The following FBXL18 variants were observed in gnomAD, a reference collection of about 807,000 sequenced individuals.
FBXL18 encodes F-box/LRR-repeat protein 18.
FBXL18 carries 36 observed loss-of-function variants against 46.0 expected under a neutral mutation model. The ratio of observed to expected loss-of-function variants is 0.78; its 90% CI spans 0.60 to 1.03. The LOEUF is 1.03. FBXL18 is among the 50% of genes least tolerant of loss of function. The pLI, the probability that FBXL18 is intolerant of heterozygous loss-of-function variation, is 0.00. For synonymous variants in FBXL18, 557 were observed against 465.3 expected, an observed-to-expected ratio of 1.20 and a Z score of -2.54; for missense variants, 977 against 1,004.1, an observed-to-expected ratio of 0.97 and a Z score of 0.36.
Position 5,455,763 on chromosome 7 carries a change from A to AACACAC in FBXL18, c.2001-7926_2001-7921dup, listed in dbSNP as rs36071919. Among the ~76,000 whole-genome samples the AACACAC allele has an allele frequency of 5.6e-5, 8 of 142,626 alleles. No individual in the cohort carries two copies. Among genetic ancestry groups the AACACAC allele is most frequent in the African/African-American group, 1.8e-4 (7 of 38,332 alleles). The allele number at this position is 142,626 out of a possible 152,430, so 93.6% of individuals were successfully genotyped here. A position where few individuals can be genotyped will look rare whatever the true frequency, so the allele number is the denominator to read the frequency against. ...CCCCCACCCCCACTACACACACACA[A>AACACAC]ACACACACACACACACACACACACC... On this transcript the variant is annotated intron_variant and NMD_transcript_variant, in intron 4 of 6. Transcript: ENST00000415009. The surrounding 1 kb of genome is among the most constrained non-coding windows in gnomAD (Gnocchi z 4.6).
Position 5,501,042 on chromosome 7 carries a change from C to A in FBXL18, c.1227G>T (p.Leu409=). The change falls in exon 3 of 5, where the codon CTG becomes CTT. Residue 409 remains leucine (L), a synonymous_variant. Coordinates refer to ENST00000382368, the MANE Select transcript of FBXL18 (RefSeq NM_024963.6). Reference sequence around the variant, plus strand: ...GGGAGCGCAGGTGACGCAGCCGGGCCAGGAGCTGGCAGAGGTGGCGGCCCA... The same window carrying A: ...GGGAGCGCAGGTGACGCAGCCGGGCAAGGAGCTGGCAGAGGTGGCGGCCCA... ...EGLGRHLCQL[L]ARLRHLRSLS... The A allele has an allele frequency of 1.2e-6, 2 of 1,607,168 alleles. No homozygotes were observed. Among genetic ancestry groups the A allele is most frequent in the Non-Finnish European group, 1.7e-6 (2 of 1,178,314 alleles).
chr7:5,509,431 C>T lies in FBXL18; in HGVS notation c.19-3801G>A, dbSNP rs113177921. Among the ~76,000 whole-genome samples, 665 of 152,148 alleles carry T rather than the reference C, an allele frequency of 4.4e-3. 3 individuals carry two copies. The highest frequency in any genetic ancestry group is 0.011 in the South Asian group (52 of 4,818). On this transcript the variant is annotated intron_variant, in intron 1 of 4. Transcript: ENST00000382368. ...AATTTTGGACAGGCGCGGTGGCTCA[C>T]GCCCGTAATCCCCAGCACTTTGGGA... is the stretch of plus-strand genomic sequence containing the variant.
chr7:5,493,938 G>A (rs1784003296), intron 3 of FBXL18, among the ~76,000 whole-genome samples: 2 of 151,956 alleles, frequency 1.3e-5, no homozygotes, highest in South Asian at 4.1e-4. Flanking sequence ...GTTCGACACT[G>A]GCCAACATGG....
At chr7:5,489,509 G>A (rs560342656) in intron 4 of FBXL18, 75 of 341,558 alleles carry the variant, frequency 2.2e-4, no homozygotes, top group Middle Eastern at 1.1e-3. Context: ...GGTGGCTCAC[G>A]CCTGTAATCC....
At chr7:5,490,292 T>A in intron 4 of FBXL18, 2 of 1,221,506 alleles carry the variant, frequency 1.6e-6, no homozygotes, top group Non-Finnish European at 2.1e-6. Flanking sequence ...GGAGCCCTGA[T>A]CACTCCAGCA....
At position 5,501,526 on chromosome 7, in the gene FBXL18, C is replaced by T. The variant is rs867800482; in HGVS notation, c.743G>A (p.Arg248Gln). 1.9e-6 allele frequency: 3 copies of T among 1,613,714 alleles called. No homozygotes were observed. The highest frequency in any genetic ancestry group is 2.2e-5 in the East Asian group (1 of 44,890). ...GTCGCTAAGCACAGCCAGGTAGAGC[C>T]GCACCACCTCCTGGTTGATGTAGCC... ...APGYINQEVV[R>Q]LYLAVLSDRT... is the part of the protein sequence containing the mutation. The change falls in exon 3 of 5, where the codon CGG becomes CAG. Residue 248 changes from arginine to glutamine, a missense_variant. Transcript: ENST00000382368.
At chr7:5,511,744 G>T (rs1784539305) in intron 1 of FBXL18, among the ~76,000 whole-genome samples, 1 of 150,962 alleles carries the variant, frequency 6.6e-6, no homozygotes, top group South Asian at 2.1e-4. Flanking sequence ...CTCCAACCTG[G>T]GCGACAGAGC....
At chr7:5,509,655 T>C (rs578132784) in intron 1 of FBXL18, among the ~76,000 whole-genome samples, 282 of 145,410 alleles carry the variant, frequency 1.9e-3, no homozygotes, top group African/African-American at 7.0e-3. Context: ...TGAGCTCAGA[T>C]TGTGCCACTG....
At chr7:5,504,191 A>C (rs1054593648) in intron 2 of FBXL18, among the ~76,000 whole-genome samples, 4 of 151,820 alleles carry the variant, frequency 2.6e-5, no homozygotes, top group African/African-American at 9.7e-5. Flanking sequence ...GCACTTTGTG[A>C]GGCCGAGTTG....
At chr7:5,484,537 G>A (rs1203020163) in intron 4 of FBXL18, among the ~76,000 whole-genome samples, 1 of 150,934 alleles carries the variant, frequency 6.6e-6, no homozygotes, top group African/African-American at 2.4e-5. Flanking sequence ...TTTCGAGACA[G>A]GGTCTTGCTC....
chr7:5,491,561 G>C, intron 3 of FBXL18, 112 bp from the exon 4 acceptor site: 1 of 875,696 alleles, frequency 1.1e-6, no homozygotes. Flanking sequence ...GCCCAGCCCA[G>C]CTGTTCCCGC....
At chr7:5,483,467 G>A (rs1011416794) in intron 4 of FBXL18, among the ~76,000 whole-genome samples, 2 of 146,718 alleles carry the variant, frequency 1.4e-5, no homozygotes, top group Non-Finnish European at 3.0e-5. Context: ...AATCGAGGCT[G>A]AGCGCAGTGG....
At chr7:5,490,306 A>G in intron 4 of FBXL18, 2 of 1,166,116 alleles carry the variant, frequency 1.7e-6, no homozygotes, top group Non-Finnish European at 2.2e-6. Flanking sequence ...TCCAGCAGTC[A>G]GCCCGTCCTC....
chr7:5,470,941 C>T (rs545404194), downstream of FBXL18, among the ~76,000 whole-genome samples: 1 of 152,298 alleles, frequency 6.6e-6, no homozygotes, highest in South Asian at 2.1e-4. Flanking sequence ...CCAATGGTAT[C>T]TGAGTAGGGA....
chr7:5,498,338 G>A (rs189910329), intron 3 of FBXL18, among the ~76,000 whole-genome samples: 13 of 152,216 alleles, frequency 8.5e-5, no homozygotes, highest in East Asian at 7.7e-4. Context: ...CACCCGCCTC[G>A]GCCTCCCAAA....
chr7:5,496,465 C>T lies in FBXL18; in HGVS notation c.1781+4023G>A, dbSNP rs1221688392. Among the ~76,000 whole-genome samples the T allele has an allele frequency of 7.0e-6, 1 of 142,078 alleles. No individual in the cohort carries two copies. Among genetic ancestry groups the T allele is most frequent in the East Asian group, 2.3e-4 (1 of 4,416 alleles). The allele number at this position is 142,078 out of a possible 152,430, so 93.2% of individuals were successfully genotyped here. ...TGCCCCAGCCCAATCCGTGGGCTCA[C>T]CTGGATCCATAGGTGGCTAAAGGCC... is the stretch of plus-strand genomic sequence containing the variant. On this transcript the variant is annotated intron_variant, in intron 3 of 4. Coordinates refer to ENST00000382368, the MANE Select transcript of FBXL18 (RefSeq NM_024963.6). The surrounding 1 kb of genome is among the most constrained non-coding windows in gnomAD (Gnocchi z 4.8).
At chr7:5,462,038 G>C (rs748162295) in intron 4 of FBXL18, among the ~76,000 whole-genome samples, 1 of 152,102 alleles carries the variant, frequency 6.6e-6, no homozygotes, top group African/African-American at 2.4e-5. Flanking sequence ...GGTCGAGTTC[G>C]AGACTAGCCT....
chr7:5,459,506 C>T (rs945655740), intron 4 of FBXL18, among the ~76,000 whole-genome samples: 6 of 151,712 alleles, frequency 4.0e-5, no homozygotes, highest in Admixed American at 2.0e-4. Flanking sequence ...ACTGGGCGGC[C>T]GAGGCAGGTG....
chr7:5,461,325 G>A (rs564251970), intron 4 of FBXL18, among the ~76,000 whole-genome samples: 1 of 152,360 alleles, frequency 6.6e-6, no homozygotes, highest in East Asian at 1.9e-4. Flanking sequence ...CCAGCGCTTT[G>A]GCAGGCTGAG....
Sources: allele counts gnomAD v4.1 joint callset (sites outside exome capture counted in the v4.1 genomes callset), GRCh38; gene constraint gnomAD v4.1.1; non-coding constraint Gnocchi (gnomAD v3.1); transcripts MANE v1.5; gene names NCBI Gene and HGNC (gene_info 2026-07-23, HGNC 2026-07-21).